WDR7: variants seen among roughly 807,000 people sequenced by gnomAD.
The protein encoded by WDR7 is WD repeat domain 7.
A neutral mutation model predicts 169.4 loss-of-function variants in WDR7; 46 were observed. The observed-to-expected ratio is 0.27, with a 90% CI of 0.21 to 0.35. The LOEUF is 0.35. WDR7 is among the 10% of genes least tolerant of loss of function. The probability of loss-of-function intolerance (pLI) is 1.00; values close to 1 mark genes in which losing one functional copy is unlikely to be tolerated. For synonymous variants in WDR7, 612 were observed against 666.8 expected, an observed-to-expected ratio of 0.92 and a Z score of 1.27; for missense variants, 1,534 against 1,859.3, an observed-to-expected ratio of 0.83 and a Z score of 3.22.
intron 20 of WDR7, among the ~76,000 whole-genome samples, chr18:56,835,612 A>G (rs769857591): frequency 6.6e-6 from 1 of 152,160 alleles, no homozygotes; most frequent in Admixed American, 6.5e-5. Flanking sequence ...GAAGTTATAC[A>G]TGTCTCAACA....
intron 26 of WDR7, among the ~76,000 whole-genome samples, chr18:56,964,145 T>C (rs965077173): frequency 2.6e-5 from 4 of 150,980 alleles, no homozygotes; most frequent in Non-Finnish European, 5.9e-5. Context: ...AAAGTTGTAC[T>C]TCAGGGTATA....
chr18:56,697,312 A>G (rs1249231189), intron 12 of WDR7, among the ~76,000 whole-genome samples: 7 of 152,310 alleles, frequency 4.6e-5, no homozygotes, highest in African/African-American at 1.7e-4. Context: ...AAAATCTACA[A>G]AATTTTTCTT....
intron 26 of WDR7, among the ~76,000 whole-genome samples, chr18:56,988,899 G>T (rs547026992): frequency 1.3e-5 from 2 of 151,710 alleles, no homozygotes; most frequent in African/African-American, 4.8e-5. Flanking sequence ...TTTTTGTTCC[G>T]GTTTCTTGTA....
chr18:56,900,111 A>ATATAT (rs1555707547), intron 21 of WDR7, among the ~76,000 whole-genome samples: 5 of 137,792 alleles, frequency 3.6e-5, no homozygotes, highest in East Asian at 4.0e-4. Flanking sequence ...TATATATATA[A>ATATAT]AATTGTTAAT....
chr18:56,853,706 T>A, intron 20 of WDR7, among the ~76,000 whole-genome samples: 1 of 152,150 alleles, frequency 6.6e-6, no homozygotes, highest in East Asian at 1.9e-4. Flanking sequence ...TGTTCACCTG[T>A]TTTTTGTTGT....
intron 26 of WDR7, among the ~76,000 whole-genome samples, chr18:56,980,187 A>G (rs1223772242): frequency 1.3e-5 from 2 of 152,116 alleles, no homozygotes; most frequent in Admixed American, 6.5e-5. Flanking sequence ...GGGTGCTCCC[A>G]TTTTAGAGAC....
At chr18:56,763,607 C>T (rs2044015713) in intron 16 of WDR7, among the ~76,000 whole-genome samples, 1 of 152,194 alleles carries the variant, frequency 6.6e-6, no homozygotes. Flanking sequence ...GCTGGCCTCA[C>T]AGAATGAATT....
chr18:56,824,672 T>A (rs1213114200), intron 20 of WDR7, among the ~76,000 whole-genome samples: 1 of 152,238 alleles, frequency 6.6e-6, no homozygotes, highest in Non-Finnish European at 1.5e-5. Flanking sequence ...TGAGGTGATG[T>A]AGGCTTATTT....
chr18:56,734,807 G>A (rs2026664472), intron 14 of WDR7, among the ~76,000 whole-genome samples: 1 of 151,686 alleles, frequency 6.6e-6, no homozygotes, highest in African/African-American at 2.4e-5. Flanking sequence ...ACTTCTTCAG[G>A]ACAGCAGTTC....
intron 1 of WDR7, among the ~76,000 whole-genome samples, chr18:56,671,034 T>C (rs2025122833): frequency 6.6e-6 from 1 of 152,214 alleles, no homozygotes; most frequent in Non-Finnish European, 1.5e-5. Context: ...TTTAATTTTG[T>C]TATATTAAGG....
chr18:56,892,105 A>AT (rs2046272152), intron 21 of WDR7, among the ~76,000 whole-genome samples: 1 of 152,048 alleles, frequency 6.6e-6, no homozygotes, highest in Admixed American at 6.6e-5. Flanking sequence ...ATTTGCAACC[A>AT]TTTTTTGTTA....
intron 26 of WDR7, among the ~76,000 whole-genome samples, chr18:56,993,646 G>A (rs1429672075): frequency 2.0e-5 from 3 of 152,164 alleles, no homozygotes; most frequent in African/African-American, 7.2e-5. Context: ...TTTTAAGTGT[G>A]TTAGCAAAGC....
At chr18:56,709,611 T>C (rs2026038736) in intron 12 of WDR7, among the ~76,000 whole-genome samples, 2 of 152,176 alleles carry the variant, frequency 1.3e-5, no homozygotes, top group Non-Finnish European at 2.9e-5. Context: ...AGTCAGACAG[T>C]TAGCAAATGG....
chr18:56,879,332 T>C (rs1235099704), intron 20 of WDR7, among the ~76,000 whole-genome samples: 2 of 152,202 alleles, frequency 1.3e-5, no homozygotes, highest in African/African-American at 4.8e-5. Flanking sequence ...TGTGAAGTGG[T>C]ATCTCATTGT....
rs763311163 is a variant in WDR7 at position 57,027,079 on chromosome 18, G to A, written c.4345G>A (p.Val1449Met). The A allele has an allele frequency of 6.2e-7, 1 of 1,614,158 alleles. No homozygotes were observed. Among genetic ancestry groups the A allele is most frequent in the Non-Finnish European group, 8.5e-7 (1 of 1,180,044 alleles). Reference sequence around the variant, plus strand: ...GCTGCGCTGCATTAAAACCTACCAGGTGCCCCCTGTGCAGCCCGCGTCCCC... The same window carrying A: ...GCTGCGCTGCATTAAAACCTACCAGATGCCCCCTGTGCAGCCCGCGTCCCC... ...PQLRCIKTYQ[V>M]PPVQPASPGS... Residue 1449 changes from valine (V) to methionine (M), a missense_variant, in exon 28 of 28, where the codon GTG (valine) becomes ATG (methionine). By Grantham distance (21) the Val-to-Met change is conservative. Coordinates refer to ENST00000254442, the MANE Select transcript of WDR7 (RefSeq NM_015285.3).
Position 56,691,792 on chromosome 18 carries a change from T to C in WDR7, c.941T>C (p.Ile314Thr), listed in dbSNP as rs749148665. 1 of 1,611,252 alleles carries C rather than the reference T, an allele frequency of 6.2e-7. No individual in the cohort carries two copies. Among genetic ancestry groups the C allele is most frequent in the Non-Finnish European group, 8.5e-7 (1 of 1,179,222 alleles). The change falls in exon 9 of 28, where the codon ATC (isoleucine) becomes ACC (threonine). Residue 314 changes from isoleucine to threonine, a missense_variant. Physicochemically the swap from Ile to Thr is moderately conservative, Grantham distance 89 (BLOSUM62 -1). Coordinates refer to ENST00000254442, the MANE Select transcript of WDR7 (RefSeq NM_015285.3). Reference protein sequence around the residue: ...VENLIPPVQHILLDRKDKELL... With the variant: ...VENLIPPVQHTLLDRKDKELL... The stretch of plus-strand genomic sequence containing the variant: ...AATTTAATTCCTCCTGTACAACATA[T>C]CCTCTTGGATCGAAAAGATAAAGAG...
intron 21 of WDR7, among the ~76,000 whole-genome samples, chr18:56,902,932 T>C (rs1326689818): frequency 6.6e-6 from 1 of 152,178 alleles, no homozygotes; most frequent in Non-Finnish European, 1.5e-5. Context: ...TGTCTAGGAA[T>C]GTGTGAATTT....
chr18:56,757,918 A>G lies in WDR7; in HGVS notation c.2759+566A>G, dbSNP rs559720429. Among the ~76,000 whole-genome samples, 13 of 152,090 alleles carry G rather than the reference A, an allele frequency of 8.5e-5. No homozygotes were observed. The South Asian group carries it at 2.7e-3, about 32-fold the overall frequency. On this transcript the variant is annotated intron_variant, in intron 15 of 27. Coordinates refer to ENST00000254442, the MANE Select transcript of WDR7 (RefSeq NM_015285.3). ...TGGAAGTTCGTGGCTGCAGTGAGCC[A>G]CGATTGTGCCACTGTACTCCAGCCT...
At chr18:56,771,764 C>G (rs2044164413) in intron 16 of WDR7, among the ~76,000 whole-genome samples, 1 of 151,678 alleles carries the variant, frequency 6.6e-6, no homozygotes, top group Non-Finnish European at 1.5e-5. Flanking sequence ...CACCTATGAT[C>G]CCAGCTACTC....
Sources: gnomAD v4.1 joint callset for allele counts (sites outside exome capture counted in the v4.1 genomes callset) on GRCh38, gnomAD v4.1.1 for gene constraint, MANE v1.5 for transcripts, NCBI Gene and HGNC (gene_info 2026-07-23, HGNC 2026-07-21) for gene names.